Variants in WWP2 observed in about 807,000 individuals in gnomAD.
WWP2 encodes the protein WW domain containing E3 ubiquitin protein ligase 2.
In WWP2, 57 loss-of-function variants were observed where a neutral mutation model predicts 121.0. That is an observed-to-expected ratio of 0.47 (90% confidence interval 0.38 to 0.59). The LOEUF (loss-of-function observed/expected upper bound fraction) is 0.59, where lower values mean the gene tolerates loss of function less well. Ranked by LOEUF, WWP2 falls within the 20% of genes least tolerant of loss-of-function variation. WWP2 has a pLI of 0.00. For missense variants in WWP2, 962 were observed against 1,158.9 expected (o/e 0.83, Z 2.47); for synonymous variants, 449 against 441.3 (o/e 1.02, Z -0.22).
rs969028837 is a variant in WWP2 at position 69,906,682 on chromosome 16, C to T, written c.915-2079C>T. Among the ~76,000 whole-genome samples, 6 of 152,122 alleles carry T rather than the reference C, an allele frequency of 3.9e-5. No homozygotes were observed. In the South Asian group the frequency reaches 6.2e-4, roughly 16 times the overall value. ...GGAGGATTATTTGAGCCCAAGAGTT[C>T]GAGACCAGCCTGGGCAAAGCAAGAC... On this transcript the variant is annotated intron_variant, in intron 8 of 23. Coordinates refer to ENST00000359154, the MANE Select transcript of WWP2 (RefSeq NM_001270454.2).
At chr16:69,902,758 G>T (rs1049500091) in intron 8 of WWP2, among the ~76,000 whole-genome samples, 7 of 152,174 alleles carry the variant, frequency 4.6e-5, no homozygotes, top group Admixed American at 4.6e-4. Context: ...GCATGGGGGG[G>T]ACCAAACCAA....
chr16:69,918,865 A>T (rs1254944579), intron 10 of WWP2, among the ~76,000 whole-genome samples: 3 of 138,464 alleles, frequency 2.2e-5, no homozygotes, highest in African/African-American at 8.2e-5. Context: ...TTTTTTTGAG[A>T]TGGAGTCTTG....
chr16:69,919,605 G>A (rs4985459), intron 10 of WWP2, among the ~76,000 whole-genome samples: 114,921 of 152,090 alleles, frequency 0.76, 44,331 homozygotes, highest in East Asian at 0.96. Context: ...AGGGTCCACA[G>A]TGAGCTGGAG....
intron 6 of WWP2, among the ~76,000 whole-genome samples, chr16:69,846,048 T>TGAAAAAA (rs1567700143): frequency 5.2e-3 from 9 of 1,734 alleles, no homozygotes; most frequent in African/African-American, 0.018. Flanking sequence ...AGACTCCATC[T>TGAAAAAA]CAAAAAAAAA....
chr16:69,769,426 C>A (rs1486234365), intron 1 of WWP2, among the ~76,000 whole-genome samples: 1 of 151,618 alleles, frequency 6.6e-6, no homozygotes, highest in Non-Finnish European at 1.5e-5. Flanking sequence ...TCTTTGTGAA[C>A]CCATGGATTA....
rs191182205 is a variant in WWP2, at chr16:69,779,182, C to T, written c.-15-7814C>T. 2.2e-3 allele frequency among the ~76,000 whole-genome samples: 328 copies of T among 152,282 alleles called. 3 individuals carry two copies. The highest frequency in any genetic ancestry group is 5.4e-3 in the African/African-American group (224 of 41,552). ...GCCAGGCTGGTCTCAAACTTCTGACCTCAGGTGATCCACCTGCCTCGGCCT... is the reference window on the plus strand; with the variant it reads ...GCCAGGCTGGTCTCAAACTTCTGACTTCAGGTGATCCACCTGCCTCGGCCT... On this transcript the variant is annotated intron_variant, in intron 1 of 23. Transcript: ENST00000359154.
intron 19 of WWP2, 138 bp from the exon 20 acceptor site, chr16:69,936,980 C>T (rs1386997231): frequency 8.1e-7 from 1 of 1,238,252 alleles, no homozygotes; most frequent in Non-Finnish European, 1.1e-6. Context: ...CTAGGTCCTC[C>T]AGCAGGCTGG....
At chr16:69,770,817 C>T (rs2055397366) in intron 1 of WWP2, among the ~76,000 whole-genome samples, 1 of 151,984 alleles carries the variant, frequency 6.6e-6, no homozygotes, top group Non-Finnish European at 1.5e-5. Context: ...GTATGTGGGG[C>T]TCCCACACAT....
chr16:69,836,612 A>T (rs967583945), intron 4 of WWP2, among the ~76,000 whole-genome samples: 1 of 152,120 alleles, frequency 6.6e-6, no homozygotes, highest in Admixed American at 6.6e-5. Context: ...AATTTAAATT[A>T]AATTAATTTA....
intron 1 of WWP2, among the ~76,000 whole-genome samples, chr16:69,775,349 A>G (rs2151773657): frequency 6.6e-6 from 1 of 152,154 alleles, no homozygotes; most frequent in East Asian, 1.9e-4. Flanking sequence ...GGAAGCTGAG[A>G]GTGACTTCCT....
intron 4 of WWP2, among the ~76,000 whole-genome samples, chr16:69,817,712 A>G (rs1409735999): frequency 7.3e-6 from 1 of 136,188 alleles, no homozygotes; most frequent in Non-Finnish European, 1.5e-5. Context: ...GCTCCGTCAC[A>G]CAGGGGTGTG....
At chr16:69,933,872 A>G (rs1215418560) in intron 16 of WWP2, 98 bp from the exon 17 acceptor site, 7 of 1,425,066 alleles carry the variant, frequency 4.9e-6, no homozygotes, top group Non-Finnish European at 6.7e-6. Context: ...ACGTGTCCCC[A>G]TACTAACCTG....
chr16:69,818,043 C>T (rs1180571477), intron 4 of WWP2, among the ~76,000 whole-genome samples: 1 of 152,082 alleles, frequency 6.6e-6, no homozygotes, highest in Non-Finnish European at 1.5e-5. Flanking sequence ...GACCAATTTA[C>T]ACACTGTAAG....
At chr16:69,917,970 G>A (rs1269210112) in intron 10 of WWP2, 87 bp downstream of exon 10, 12 of 1,492,512 alleles carry the variant, frequency 8.0e-6, no homozygotes, top group East Asian at 4.9e-5. Flanking sequence ...GACCTGCTTA[G>A]TGAGCAGGGA....
rs1425268040 is a variant in WWP2 at position 69,931,909 on chromosome 16, G to A, written c.1682+19G>A. The A allele has an allele frequency of 6.2e-7, 1 of 1,608,452 alleles. No individual in the cohort carries two copies. The highest frequency in any genetic ancestry group is 8.5e-7 in the Non-Finnish European group (1 of 1,177,346). On this transcript the variant is annotated intron_variant, in intron 16 of 23. Coordinates refer to ENST00000359154, the MANE Select transcript of WWP2 (RefSeq NM_001270454.2). ...TCGCCAGGTGAGCTTGAGTGCCCCG[G>A]AAGGCTGCCCTGTACCCCGCTTCCC...
At chr16:69,856,108 A>T (rs1443415000) in intron 6 of WWP2, among the ~76,000 whole-genome samples, 1 of 152,100 alleles carries the variant, frequency 6.6e-6, no homozygotes, top group Admixed American at 6.6e-5. Flanking sequence ...TCCCATCTCT[A>T]AAAAAGATGT....
chr16:69,865,081 G>A (rs1192191927), intron 6 of WWP2, among the ~76,000 whole-genome samples: 1 of 151,792 alleles, frequency 6.6e-6, no homozygotes, highest in African/African-American at 2.4e-5. Flanking sequence ...TCGGGGTTTG[G>A]CTCTGTCGTG....
At chr16:69,794,390 A>G (rs1334654684) in intron 2 of WWP2, among the ~76,000 whole-genome samples, 1 of 152,160 alleles carries the variant, frequency 6.6e-6, no homozygotes, top group Non-Finnish European at 1.5e-5. Context: ...TGAGCCAGGC[A>G]TGGTGGCTCA....
At position 69,941,530 on chromosome 16, in the gene WWP2, G is replaced by A. The variant is rs2058880598; in HGVS notation, c.*1590G>A. 6.5e-6 allele frequency: 1 copy of A among 154,136 alleles called. No individual in the cohort carries two copies. 9.5% of individuals were successfully genotyped at this position (154,136 alleles called of 1,614,324 possible). ...TACCATGGAAGCCGCTCCAGGGTGG[G>A]TCAGGGTGCAAGCTGCTGGTGAGGT... On this transcript the variant is annotated 3_prime_UTR_variant, in exon 24 of 24. Coordinates refer to ENST00000359154, the MANE Select transcript of WWP2 (RefSeq NM_001270454.2).
Sources: gnomAD v4.1 joint callset for allele counts (sites outside exome capture counted in the v4.1 genomes callset) on GRCh38, gnomAD v4.1.1 for gene constraint, MANE v1.5 for transcripts, NCBI Gene and HGNC (gene_info 2026-07-23, HGNC 2026-07-21) for gene names.